Variants in GAPVD1 observed in about 807,000 individuals in gnomAD.
GAPVD1 encodes the protein GTPase-activating protein and VPS9 domain-containing protein 1.
In GAPVD1, 35 loss-of-function variants were observed where a neutral mutation model predicts 155.5. That is an observed-to-expected ratio of 0.23 (90% CI 0.17 to 0.30). The LOEUF is 0.30. Among genes scored for constraint, GAPVD1 ranks in the 10% least tolerant of loss-of-function variants. The pLI is 1.00. For missense variants in GAPVD1, 1,429 were observed against 1,775.7 expected, an observed-to-expected ratio of 0.80 and a Z score of 3.51; for synonymous variants, 636 against 619.7, an observed-to-expected ratio of 1.03 and a Z score of -0.39.
At chr9:125,294,657 T>G (rs1588712839) in intron 2 of GAPVD1, among the ~76,000 whole-genome samples, 1 of 151,706 alleles carries the variant, frequency 6.6e-6, no homozygotes, top group Admixed American at 6.6e-5. Flanking sequence ...AAATGGTTTT[T>G]TTTTTTTTTT....
chr9:125,285,056 CAG>C (rs1300653860), intron 2 of GAPVD1, among the ~76,000 whole-genome samples: 1 of 152,150 alleles, frequency 6.6e-6, no homozygotes, highest in Non-Finnish European at 1.5e-5. Context: ...GCTTGCTTAT[CAG>C]GGGTTGGCAG....
At position 125,346,935 on chromosome 9, in the gene GAPVD1, A is replaced by C; in HGVS notation, c.3163A>C (p.Ser1055Arg). The change falls in exon 20 of 28, where the codon AGT (serine) becomes CGT (arginine). Residue 1055 changes from serine to arginine, a missense_variant. Coordinates refer to ENST00000297933, the MANE Select transcript of GAPVD1 (RefSeq NM_001282680.3). The stretch of plus-strand genomic sequence containing the variant: ...TGATGGAGCAATGGCAAACTATGAA[A>C]GTACAGGTGATAATCATGACAGAGA... ...PSDGAMANYE[S>R]TEVMGDGESA... 6.2e-7 allele frequency: 1 copy of C among 1,612,578 alleles called. No homozygotes were observed. Among genetic ancestry groups the C allele is most frequent in the Non-Finnish European group, 8.5e-7 (1 of 1,178,566 alleles).
At position 125,342,378 on chromosome 9, in the gene GAPVD1, G is replaced by A. The variant is rs544023879; in HGVS notation, c.3046+79G>A. 1.1e-4 allele frequency: 94 copies of A among 822,190 alleles called. 1 individual carries two copies. The African/African-American group carries it at 1.2e-3, about 10-fold the overall frequency. 50.9% of individuals were successfully genotyped at this position (822,190 alleles called of 1,614,324 possible). On this transcript the variant is annotated intron_variant, in intron 19 of 27. Transcript: ENST00000297933. ...TAACACTTTTTCTTGGGTGCCATAA[G>A]CGTTGCCTTTCTAGAAGAGTGTGTC...
intron 9 of GAPVD1, among the ~76,000 whole-genome samples, chr9:125,315,235 C>A (rs1211831960): frequency 1.3e-5 from 2 of 152,110 alleles, no homozygotes; most frequent in Non-Finnish European, 2.9e-5. Context: ...GGGAAGAAGA[C>A]CAACAATCTT....
intron 9 of GAPVD1, among the ~76,000 whole-genome samples, chr9:125,318,134 G>A (rs1046862894): frequency 6.6e-6 from 1 of 152,190 alleles, no homozygotes; most frequent in African/African-American, 2.4e-5. Context: ...ACAGGCATAT[G>A]CCACTATGCC....
chr9:125,340,322 C>T (rs974439035), intron 17 of GAPVD1, among the ~76,000 whole-genome samples: 3 of 152,140 alleles, frequency 2.0e-5, no homozygotes, highest in Non-Finnish European at 2.9e-5. Flanking sequence ...CATCCAGCTT[C>T]TTTGTCATGT....
chr9:125,273,930 T>C (rs1249300187), intron 2 of GAPVD1, among the ~76,000 whole-genome samples: 2 of 151,856 alleles, frequency 1.3e-5, no homozygotes, highest in Non-Finnish European at 2.9e-5. Flanking sequence ...TCTTTTCTTT[T>C]TTTTAAAAAA....
At chr9:125,336,349 T>C (rs1372148270) in intron 15 of GAPVD1, among the ~76,000 whole-genome samples, 3 of 151,274 alleles carry the variant, frequency 2.0e-5, no homozygotes, top group Admixed American at 2.0e-4. Context: ...TTTAGATTAA[T>C]AATTTTTTTA....
chr9:125,323,295 T>G (rs930150471), intron 10 of GAPVD1, among the ~76,000 whole-genome samples: 3 of 150,762 alleles, frequency 2.0e-5, no homozygotes, highest in African/African-American at 7.3e-5. Context: ...TTGTTTTGTT[T>G]TGTTGTGTTG....
At chr9:125,359,811 G>A (rs1407329059) in intron 26 of GAPVD1, 9 of 255,880 alleles carry the variant, frequency 3.5e-5, no homozygotes, top group Non-Finnish European at 3.7e-5. Context: ...TGAAGAAGTG[G>A]GAGGCTGATA....
At chr9:125,326,710 C>A in intron 12 of GAPVD1, 121 bp downstream of exon 12, 1 of 685,890 alleles carries the variant, frequency 1.5e-6, no homozygotes, top group Non-Finnish European at 2.5e-6. Flanking sequence ...ATCTGGGAAA[C>A]TGTTATAACT....
intron 1 of GAPVD1, among the ~76,000 whole-genome samples, chr9:125,263,247 G>A (rs1476730710): frequency 2.6e-5 from 4 of 152,276 alleles, no homozygotes; most frequent in East Asian, 1.9e-4. Context: ...TCAAGAGATC[G>A]AGACCATCCT....
At chr9:125,347,901 T>A (rs1039627749) in intron 20 of GAPVD1, among the ~76,000 whole-genome samples, 1 of 152,222 alleles carries the variant, frequency 6.6e-6, no homozygotes, top group African/African-American at 2.4e-5. Context: ...TGTATTTTTT[T>A]ATTTTGAATA....
chr9:125,283,300 C>A (rs1246077777), intron 2 of GAPVD1, among the ~76,000 whole-genome samples: 1 of 151,956 alleles, frequency 6.6e-6, no homozygotes, highest in Admixed American at 6.6e-5. Context: ...CTCAGATGAT[C>A]CATCCACCTC....
At chr9:125,305,514 G>C (rs1459687736) in intron 6 of GAPVD1, among the ~76,000 whole-genome samples, 2 of 151,936 alleles carry the variant, frequency 1.3e-5, no homozygotes, top group South Asian at 2.1e-4. Flanking sequence ...GGGATCACAG[G>C]TGCCTGCCAC....
At chr9:125,295,189 T>G (rs934491202) in intron 2 of GAPVD1, among the ~76,000 whole-genome samples, 1 of 152,056 alleles carries the variant, frequency 6.6e-6, no homozygotes, top group African/African-American at 2.4e-5. Flanking sequence ...AATATTATTA[T>G]TGTTAGTTTG....
rs1001373171 is a variant in GAPVD1, at chr9:125,362,979, A to G, written c.*233A>G. 7.3e-6 allele frequency: 2 copies of G among 274,906 alleles called. No individual in the cohort carries two copies. Among genetic ancestry groups the G allele is most frequent in the Non-Finnish European group, 1.4e-5 (2 of 147,282 alleles). 17.0% of individuals were successfully genotyped at this position (274,906 alleles called of 1,614,324 possible). A position where few individuals can be genotyped will look rare whatever the true frequency, so the allele number is the denominator to read the frequency against. ...TCTATTTTCTTGTCCCCAAGTAGAG[A>G]CTAGTACTACAAAAAGGGACCACAT... On this transcript the variant is annotated 3_prime_UTR_variant, in exon 28 of 28. Transcript: ENST00000297933.
chr9:125,278,624 C>T (rs1283266785), intron 2 of GAPVD1, among the ~76,000 whole-genome samples: 1 of 151,974 alleles, frequency 6.6e-6, no homozygotes, highest in East Asian at 1.9e-4. Flanking sequence ...TGCTTGAGCT[C>T]AGGAGTTCGA....
rs114676279 is a variant in GAPVD1 at position 125,356,152 on chromosome 9, C to A, written c.3971+295C>A. Among the ~76,000 whole-genome samples the A allele has an allele frequency of 5.9e-3, 905 of 152,318 alleles. 16 individuals carry two copies. Among genetic ancestry groups the A allele is most frequent in the African/African-American group, 0.02 (849 of 41,566 alleles). ...TTCTCGTGATTAAGTCTTACTTATG[C>A]TTCAGGTCTTGACTTAAGTATCGTT... On this transcript the variant is annotated intron_variant, in intron 25 of 27. Coordinates refer to ENST00000297933, the MANE Select transcript of GAPVD1 (RefSeq NM_001282680.3).
Sources: gnomAD v4.1 joint callset for allele counts (sites outside exome capture counted in the v4.1 genomes callset) on GRCh38, gnomAD v4.1.1 for gene constraint, MANE v1.5 for transcripts, NCBI Gene and HGNC (gene_info 2026-07-23, HGNC 2026-07-21) for gene names.